Variants in CRLF3 observed in about 807,000 individuals in gnomAD.
The protein encoded by CRLF3 is cytokine receptor-like factor 3.
A neutral mutation model predicts 55.0 loss-of-function variants in CRLF3; 33 were observed. That is an observed-to-expected ratio of 0.60 (90% CI 0.46 to 0.80). The LOEUF (loss-of-function observed/expected upper bound fraction) is 0.80. CRLF3 is among the 30% of genes least tolerant of loss of function. The probability of loss-of-function intolerance (pLI) is 0.00; values close to 1 mark genes in which losing one functional copy is unlikely to be tolerated. For synonymous variants in CRLF3, 238 were observed against 196.8 expected, an observed-to-expected ratio of 1.21 and a Z score of -1.75; for missense variants, 494 against 538.4, an observed-to-expected ratio of 0.92 and a Z score of 0.82.
chr17:30,784,052 A>C lies in CRLF3; in HGVS notation c.*135T>G, dbSNP rs1291081079. On this transcript the variant is annotated 3_prime_UTR_variant, in exon 8 of 8. Transcript: ENST00000324238. The stretch of plus-strand genomic sequence containing the variant: ...AGTCTCTTTTTGCTAAAATATTACA[A>C]AATGAATCCAGTAAACACTTTCCAA... 3 of 738,910 alleles carry C rather than the reference A, an allele frequency of 4.1e-6. No homozygotes were observed. Among genetic ancestry groups the C allele is most frequent in the Non-Finnish European group, 6.6e-6 (3 of 455,146 alleles). 45.8% of individuals were successfully genotyped at this position (738,910 alleles called of 1,614,324 possible).
At chr17:30,785,065 T>G (rs1308042893) in intron 7 of CRLF3, 1 of 148,828 alleles carries the variant, frequency 6.7e-6, no homozygotes, top group Non-Finnish European at 1.5e-5. Context: ...CAAAATATTA[T>G]TAACATGTCT....
intron 4 of CRLF3, among the ~76,000 whole-genome samples, chr17:30,795,542 C>T (rs1255648082): frequency 2.6e-5 from 4 of 151,454 alleles, no homozygotes; most frequent in African/African-American, 7.3e-5. Flanking sequence ...GTGGCTCACA[C>T]CTGTAATCCC....
In CRLF3 at chr17:30,796,350, A is replaced by G. The variant is rs1295993663; in HGVS notation, c.426-13T>C. 1.2e-6 allele frequency: 2 copies of G among 1,608,920 alleles called. No individual in the cohort carries two copies. Among genetic ancestry groups the G allele is most frequent in the Non-Finnish European group, 1.7e-6 (2 of 1,177,152 alleles). ...TACTTCTGGTAAGCTGAGGAAACAA[A>G]GCTCATGTGTTATGAGACCTCTAAC... On this transcript the variant is annotated splice_polypyrimidine_tract_variant and intron_variant, in intron 3 of 7. Coordinates refer to ENST00000324238, the MANE Select transcript of CRLF3 (RefSeq NM_015986.4).
intron 1 of CRLF3, 123 bp downstream of exon 1, chr17:30,824,400 T>A: frequency 1.1e-6 from 1 of 882,660 alleles, no homozygotes. Flanking sequence ...TCCTTTCAAA[T>A]GAATGCCTCT....
At chr17:30,803,855 G>A (rs201213537) in intron 2 of CRLF3, 46 bp downstream of exon 2, 168 of 1,389,028 alleles carry the variant, frequency 1.2e-4, no homozygotes, top group Non-Finnish European at 1.6e-4. Flanking sequence ...TCAGCAGTGT[G>A]AAAATGGACG....
chr17:30,800,257 G>A (rs1436972094), intron 2 of CRLF3, among the ~76,000 whole-genome samples: 1 of 151,990 alleles, frequency 6.6e-6, no homozygotes, highest in African/African-American at 2.4e-5. Flanking sequence ...CACATTACAC[G>A]GTGTCCCTTG....
chr17:30,813,996 C>T (rs904737528), intron 1 of CRLF3, among the ~76,000 whole-genome samples: 4 of 152,176 alleles, frequency 2.6e-5, no homozygotes, highest in African/African-American at 9.7e-5. Flanking sequence ...GTGGCTCTCA[C>T]TTGTAATCCC....
chr17:30,793,383 C>G (rs1171023571), intron 5 of CRLF3, 67 bp downstream of exon 5: 1 of 1,261,072 alleles, frequency 7.9e-7, no homozygotes, highest in African/African-American at 1.5e-5. Flanking sequence ...GTGTGCTGCC[C>G]TTAGCACAGA....
At chr17:30,815,809 C>G (rs1206189449) in intron 1 of CRLF3, among the ~76,000 whole-genome samples, 3 of 149,300 alleles carry the variant, frequency 2.0e-5, no homozygotes, top group Non-Finnish European at 3.0e-5. Context: ...CTCCCTAAAT[C>G]CTGGGATTAC....
intron 6 of CRLF3, among the ~76,000 whole-genome samples, chr17:30,791,619 G>A (rs1971803807): frequency 1.3e-5 from 2 of 151,222 alleles, no homozygotes; most frequent in South Asian, 4.2e-4. Flanking sequence ...CCGGGTTCAC[G>A]CCATTCTCCT....
At chr17:30,803,274 T>C (rs1399434150) in intron 2 of CRLF3, among the ~76,000 whole-genome samples, 1 of 152,146 alleles carries the variant, frequency 6.6e-6, no homozygotes, top group Non-Finnish European at 1.5e-5. Flanking sequence ...ACACACCGCA[T>C]GCCTGTATCA....
At chr17:30,795,485 A>G (rs1158843522) in intron 4 of CRLF3, among the ~76,000 whole-genome samples, 1 of 146,582 alleles carries the variant, frequency 6.8e-6, no homozygotes, top group Non-Finnish European at 1.5e-5. Flanking sequence ...AACAACAACG[A>G]AACTCTGTCT....
intron 2 of CRLF3, among the ~76,000 whole-genome samples, chr17:30,799,633 T>C (rs1027824810): frequency 6.6e-6 from 1 of 151,572 alleles, no homozygotes; most frequent in Middle Eastern, 3.4e-3. Flanking sequence ...GCCTCCCGAG[T>C]AGCTAGGATT....
intron 6 of CRLF3, among the ~76,000 whole-genome samples, chr17:30,792,215 T>C (rs1971818029): frequency 6.6e-6 from 1 of 152,162 alleles, no homozygotes; most frequent in Non-Finnish European, 1.5e-5. Context: ...TATAAACATA[T>C]TAAATAACAA....
At chr17:30,792,654 A>T (rs957892383) in intron 5 of CRLF3, 82 bp from the exon 6 acceptor site, 13 of 1,306,550 alleles carry the variant, frequency 9.9e-6, no homozygotes, top group Non-Finnish European at 1.4e-5. Context: ...TAAAACATGG[A>T]AATGGGAGAC....
chr17:30,790,109 G>A (rs919610298), intron 6 of CRLF3, among the ~76,000 whole-genome samples: 1 of 151,908 alleles, frequency 6.6e-6, no homozygotes, highest in Non-Finnish European at 1.5e-5. Flanking sequence ...TCTGACAACC[G>A]CTGACAATTC....
chr17:30,821,606 T>G (rs1287459460), intron 1 of CRLF3, among the ~76,000 whole-genome samples: 1 of 152,180 alleles, frequency 6.6e-6, no homozygotes, highest in Admixed American at 6.6e-5. Flanking sequence ...ATAAAAAGGT[T>G]TGAAGTACTG....
intron 1 of CRLF3, among the ~76,000 whole-genome samples, chr17:30,815,689 G>A (rs1904777182): frequency 1.4e-5 from 2 of 146,068 alleles, no homozygotes; most frequent in East Asian, 2.1e-4. Flanking sequence ...CATTACAGGC[G>A]CACCACCACA....
intron 2 of CRLF3, among the ~76,000 whole-genome samples, chr17:30,798,572 C>T (rs1567663276): frequency 6.6e-6 from 1 of 152,136 alleles, no homozygotes; most frequent in Non-Finnish European, 1.5e-5. Flanking sequence ...GGTACTGTGG[C>T]TCATGCCTAT....
Sources: gnomAD v4.1 joint callset for allele counts (sites outside exome capture counted in the v4.1 genomes callset) on GRCh38, gnomAD v4.1.1 for gene constraint, MANE v1.5 for transcripts, NCBI Gene and HGNC (gene_info 2026-07-23, HGNC 2026-07-21) for gene names.